The following GIPR variants were observed in gnomAD, a reference collection of about 807,000 sequenced individuals.
The protein encoded by GIPR is GIP-R.
A neutral mutation model predicts 62.2 loss-of-function variants in GIPR; 74 were observed. That is an observed-to-expected ratio of 1.19 (90% confidence interval 0.99 to 1.44). GIPR has a LOEUF of 1.44. Among genes scored for constraint, GIPR ranks in the 40% most tolerant of loss-of-function variants. The pLI is 0.00. For missense variants in GIPR, 664 were observed against 611.8 expected, an observed-to-expected ratio of 1.09 and a Z score of -0.90; for synonymous variants, 256 against 262.2, an observed-to-expected ratio of 0.98 and a Z score of 0.23.
chr19:45,681,702 C>A, intron 13 of GIPR, 27 bp from the exon 14 acceptor site: 1 of 1,611,422 alleles, frequency 6.2e-7, no homozygotes, highest in East Asian at 2.2e-5. Flanking sequence ...GGGTACGGCG[C>A]CGCCTCTGAG....
At chr19:45,676,520 A>G (rs11671674) in intron 7 of GIPR, among the ~76,000 whole-genome samples, 1 of 119,454 alleles carries the variant, frequency 8.4e-6, no homozygotes, top group Non-Finnish European at 1.6e-5. Flanking sequence ...CGCAACCTCC[A>G]CCTCCCGGGT....
Position 45,672,315 on chromosome 19 carries a change from TTTG to T in GIPR, c.281-526_281-524del, listed in dbSNP as rs1322240317. Among the ~76,000 whole-genome samples the T allele has an allele frequency of 4.6e-5, 7 of 151,818 alleles. No individual in the cohort carries two copies. The East Asian group carries it at 1.4e-3, about 30-fold the overall frequency. ...ACAGGCCTATTTAACTTTTGTTGTT[TTTG>T]TTGTTGTTGAGACAGAGTCTCGCTT... On this transcript the variant is annotated intron_variant, in intron 4 of 13. Coordinates refer to ENST00000590918, the MANE Select transcript of GIPR (RefSeq NM_000164.4).
chr19:45,673,513 T>A (rs1975659504), intron 5 of GIPR, among the ~76,000 whole-genome samples: 1 of 151,542 alleles, frequency 6.6e-6, no homozygotes, highest in Non-Finnish European at 1.5e-5. Flanking sequence ...GATGATTGCT[T>A]GAACGCAGGA....
At position 45,681,592 on chromosome 19, in the gene GIPR, TCCTCTG is replaced by T. The variant is rs758211307; in HGVS notation, c.1153-11_1153-6del. On this transcript the variant is annotated splice_region_variant and splice_polypyrimidine_tract_variant and intron_variant, in intron 12 of 13. Coordinates refer to ENST00000590918, the MANE Select transcript of GIPR (RefSeq NM_000164.4). ...CCACCAGCGATGTAACCTCCGCGCC[TCCTCTG>T]GGCAGGGCTTCCTGGTCAGCGTCCT... is the stretch of plus-strand genomic sequence containing the variant. 1 of 1,613,382 alleles carries T rather than the reference TCCTCTG, an allele frequency of 6.2e-7. No homozygotes were observed. Among genetic ancestry groups the T allele is most frequent in the Non-Finnish European group, 8.5e-7 (1 of 1,179,690 alleles).
intron 1 of GIPR, 33 bp from the exon 2 acceptor site, chr19:45,669,444 C>T: frequency 6.5e-7 from 1 of 1,534,428 alleles, no homozygotes; most frequent in Non-Finnish European, 8.7e-7. Flanking sequence ...AGTAGGAGGG[C>T]AGAGGTGCTG....
In GIPR at chr19:45,677,258, G is replaced by A. The variant is rs1403449081; in HGVS notation, c.794-65G>A. 7.2e-6 allele frequency: 10 copies of A among 1,397,156 alleles called. No homozygotes were observed. The Admixed American group carries it at 9.9e-5, about 14-fold the overall frequency. The allele number at this position is 1,397,156 out of a possible 1,614,324, so 86.5% of individuals were successfully genotyped here. A position where few individuals can be genotyped will look rare whatever the true frequency, so the allele number is the denominator to read the frequency against. On this transcript the variant is annotated intron_variant, in intron 8 of 13. Transcript: ENST00000590918. ...GAGGAATTCCGCGGGTCTTGGGCCT[G>A]GCGGGGCCCGTGAGCGCGCTGACAG...
rs781722554 is a variant in GIPR, at chr19:45,674,884, G to A, written c.633+58G>A. 5.3e-6 allele frequency: 8 copies of A among 1,515,126 alleles called. No individual in the cohort carries two copies. The Admixed American group carries it at 6.7e-5, about 13-fold the overall frequency. 93.9% of individuals were successfully genotyped at this position (1,515,126 alleles called of 1,614,324 possible). On this transcript the variant is annotated intron_variant, in intron 7 of 13. Coordinates refer to ENST00000590918, the MANE Select transcript of GIPR (RefSeq NM_000164.4). ...AATCTTGCTTCTCTGGTGGGACCAGGAAGTTCTCAGTCCATTTCCTATCTC... is the reference window on the plus strand; with the variant it reads ...AATCTTGCTTCTCTGGTGGGACCAGAAAGTTCTCAGTCCATTTCCTATCTC...
chr19:45,675,853 G>A (rs545117940), intron 7 of GIPR, among the ~76,000 whole-genome samples: 89 of 152,010 alleles, frequency 5.9e-4, no homozygotes, highest in African/African-American at 2.0e-3. Context: ...CTGTGATAGT[G>A]CCAGTGCAAT....
At chr19:45,670,343 T>G in intron 2 of GIPR, 3 of 315,158 alleles carry the variant, frequency 9.5e-6, no homozygotes, top group Non-Finnish European at 1.8e-5. Context: ...CAGATTCGAG[T>G]TTTGATTATC....
intron 2 of GIPR, among the ~76,000 whole-genome samples, chr19:45,669,954 G>C (rs374542232): frequency 2.6e-5 from 3 of 117,288 alleles, no homozygotes; most frequent in Non-Finnish European, 3.7e-5. Context: ...GTCTCGGGGT[G>C]GGGGGGGGAG....
intron 7 of GIPR, among the ~76,000 whole-genome samples, chr19:45,675,995 G>A (rs932865914): frequency 3.3e-5 from 5 of 152,132 alleles, no homozygotes; most frequent in Non-Finnish European, 7.3e-5. Flanking sequence ...CACAAGGTCA[G>A]GAGTTCAAGA....
intron 12 of GIPR, chr19:45,678,477 C>T (rs914122142): frequency 2.5e-5 from 14 of 557,110 alleles, no homozygotes; most frequent in African/African-American, 9.4e-5. Flanking sequence ...GATTCTCCTG[C>T]CTCAGCCTCT....
Position 45,674,763 on chromosome 19 carries a change from A to C in GIPR, c.570A>C (p.Arg190=), listed in dbSNP as rs773485476. 6.2e-7 allele frequency: 1 copy of C among 1,613,900 alleles called. No homozygotes were observed. The highest frequency in any genetic ancestry group is 2.2e-5 in the East Asian group (1 of 44,850). Residue 190 remains arginine (R), a synonymous_variant, in exon 7 of 14, where the codon CGA becomes CGC. Transcript: ENST00000590918. The part of the protein sequence containing the change: ...FMLRAAAILS[R]DRLLPRPGPY... ...TGCGAGCTGCGGCCATTCTCAGCCG[A>C]GACCGTCTGCTACCTCGACCTGGCC...
intron 2 of GIPR, chr19:45,670,349 T>G: frequency 5.8e-6 from 2 of 343,902 alleles, no homozygotes; most frequent in Non-Finnish European, 1.1e-5. Flanking sequence ...CGAGTTTTGA[T>G]TATCGTTTCC....
At position 45,674,752 on chromosome 19, in the gene GIPR, A is replaced by G. The variant is rs747456820; in HGVS notation, c.559A>G (p.Ile187Val). 2.2e-5 allele frequency: 35 copies of G among 1,613,746 alleles called. No individual in the cohort carries two copies. Among genetic ancestry groups the G allele is most frequent in the East Asian group, 4.5e-5 (2 of 44,870 alleles). ...FTSFMLRAAA[I>V]LSRDRLLPRP... ...GTCTTTCATGCTGCGAGCTGCGGCC[A>G]TTCTCAGCCGAGACCGTCTGCTACC... The change falls in exon 7 of 14, where the codon ATT (isoleucine) becomes GTT (valine). Residue 187 changes from isoleucine to valine, a missense_variant. Transcript: ENST00000590918.
At chr19:45,673,608 G>A (rs1181519049) in intron 5 of GIPR, among the ~76,000 whole-genome samples, 1 of 152,014 alleles carries the variant, frequency 6.6e-6, no homozygotes, top group Non-Finnish European at 1.5e-5. Context: ...GCTCATGCCT[G>A]TAATCCCAGC....
In GIPR at chr19:45,670,672, A is replaced by T. The variant is rs751598933; in HGVS notation, c.110A>T (p.Gln37Leu). Residue 37 changes from glutamine to leucine, a missense_variant, in exon 3 of 14, where the codon CAG becomes CTG. Physicochemically the swap from Gln to Leu is moderately radical, Grantham distance 113 (BLOSUM62 -2). Coordinates refer to ENST00000590918, the MANE Select transcript of GIPR (RefSeq NM_000164.4). ...GGGCAGACGGCGGGGGAGCTGTACCAGCGCTGGGAACGGTACCGCAGGGAG... is the reference window on the plus strand; with the variant it reads ...GGGCAGACGGCGGGGGAGCTGTACCTGCGCTGGGAACGGTACCGCAGGGAG... The part of the protein sequence containing the change: ...SKGQTAGELY[Q>L]RWERYRRECQ... 10 of 1,613,362 alleles carry T rather than the reference A, an allele frequency of 6.2e-6. No individual in the cohort carries two copies. The highest frequency in any genetic ancestry group is 7.6e-6 in the Non-Finnish European group (9 of 1,179,842).
rs759423165 is a variant in GIPR, at chr19:45,678,144, T to TG, written c.1070_1071insG (p.Phe357LeufsTer21). ...CTGCTGGGTGTCCACGAGGTGGTGTTTGCTCCCGTGACAGAGGAACAGGCC... is the reference window on the plus strand; with the variant it reads ...CTGCTGGGTGTCCACGAGGTGGTGTTGTGCTCCCGTGACAGAGGAACAGGCC... On this transcript the variant is annotated frameshift_variant, in exon 12 of 14. Transcript: ENST00000590918. LOFTEE classifies it high-confidence loss of function. 6.2e-7 allele frequency: 1 copy of TG among 1,611,364 alleles called. No individual in the cohort carries two copies. The highest frequency in any genetic ancestry group is 1.1e-5 in the South Asian group (1 of 90,838).
chr19:45,670,640 C>T lies in GIPR; in HGVS notation c.78C>T (p.Gly26=). 2 of 1,611,208 alleles carry T rather than the reference C, an allele frequency of 1.2e-6. No individual in the cohort carries two copies. Among genetic ancestry groups the T allele is most frequent in the South Asian group, 2.2e-5 (2 of 90,838 alleles). The change falls in exon 3 of 14, where the codon GGC becomes GGT. Residue 26 remains glycine (G), a synonymous_variant. Transcript: ENST00000590918. ...TCCCTTCTTTCTTTTCCTAGACAGG[C>T]TCTAAGGGGCAGACGGCGGGGGAGC... ...CGLLLQRAET[G]SKGQTAGELY...
Sources: gnomAD v4.1 joint callset for allele counts (sites outside exome capture counted in the v4.1 genomes callset) on GRCh38, gnomAD v4.1.1 for gene constraint, MANE v1.5 for transcripts, NCBI Gene and HGNC (gene_info 2026-07-23, HGNC 2026-07-21) for gene names.